The following PIEZO2 variants were observed in gnomAD, a reference collection of about 807,000 sequenced individuals.
PIEZO2 encodes piezo-type mechanosensitive ion channel component 2.
A neutral mutation model predicts 337.3 loss-of-function variants in PIEZO2; 172 were observed. The observed-to-expected ratio is 0.51, with a 90% CI of 0.45 to 0.58. The LOEUF is 0.58. Ranked by LOEUF, PIEZO2 falls within the 20% of genes least tolerant of loss-of-function variation. The probability of loss-of-function intolerance (pLI) is 0.00; values close to 1 mark genes in which losing one functional copy is unlikely to be tolerated. For synonymous variants in PIEZO2, 1,251 were observed against 1,228.5 expected (o/e 1.02, Z -0.38); for missense variants, 3,028 against 3,391.3 (o/e 0.89, Z 2.66).
chr18:10,705,411 C>T lies in PIEZO2; in HGVS notation c.5924G>A (p.Arg1975His), dbSNP rs562187908. 15 of 1,537,236 alleles carry T rather than the reference C, an allele frequency of 9.8e-6. No individual in the cohort carries two copies. The highest frequency in any genetic ancestry group is 5.9e-5 in the South Asian group (5 of 84,062). The change falls in exon 41 of 56, where the codon CGC (arginine) becomes CAC (histidine). Residue 1975 changes from arginine (R) to histidine (H), a missense_variant. Transcript: ENST00000674853. ...GATGCTGGACCCCAGCTTGTCGGTGCGGCTGTCGTCCGGGCTGACTGCCAT... is the reference window on the plus strand; with the variant it reads ...GATGCTGGACCCCAGCTTGTCGGTGTGGCTGTCGTCCGGGCTGACTGCCAT... ...NRMAVSPDDS[R>H]TDKLGSSILP... is the part of the protein sequence containing the mutation.
intron 3 of PIEZO2, among the ~76,000 whole-genome samples, chr18:10,955,762 T>C (rs936168694): frequency 2.6e-5 from 4 of 152,346 alleles, no homozygotes; most frequent in Middle Eastern, 3.4e-3. Flanking sequence ...TGGATTGATG[T>C]TTTCTTAGTA....
intron 3 of PIEZO2, among the ~76,000 whole-genome samples, chr18:10,931,314 C>T (rs1029746561): frequency 6.6e-6 from 1 of 152,188 alleles, no homozygotes; most frequent in Non-Finnish European, 1.5e-5. Flanking sequence ...ATTCTCCTGC[C>T]TCAGCCTCCC....
intron 28 of PIEZO2, 83 bp downstream of exon 28, chr18:10,752,553 C>T (rs1287365182): frequency 7.0e-7 from 1 of 1,423,864 alleles, no homozygotes; most frequent in Non-Finnish European, 9.4e-7. Context: ...ACATGACAAG[C>T]ACTGGGCTTT....
chr18:10,980,647 A>G lies in PIEZO2; in HGVS notation c.161-987T>C, dbSNP rs1288931509. On this transcript the variant is annotated intron_variant, in intron 2 of 55. Transcript: ENST00000674853. The surrounding 1 kb of genome is among the most constrained non-coding windows in gnomAD (Gnocchi z 4.8). The stretch of plus-strand genomic sequence containing the variant: ...GAACGCCAAACTAACTCCATGACCA[A>G]CTATCAGAATATAAGAATTTAGAAA... 1.3e-5 allele frequency among the ~76,000 whole-genome samples: 2 copies of G among 152,208 alleles called. No individual in the cohort carries two copies. The highest frequency in any genetic ancestry group is 2.9e-5 in the Non-Finnish European group (2 of 68,026).
chr18:10,940,057 G>A lies in PIEZO2; in HGVS notation c.287-28829C>T, dbSNP rs1414585390. 6.6e-6 allele frequency among the ~76,000 whole-genome samples: 1 copy of A among 152,158 alleles called. No individual in the cohort carries two copies. The highest frequency in any genetic ancestry group is 1.5e-5 in the Non-Finnish European group (1 of 68,036). On this transcript the variant is annotated intron_variant, in intron 3 of 55. Transcript: ENST00000674853. This position sits in a 1 kb window ranked among gnomAD's most constrained non-coding sequence, Gnocchi z 5.3. ...AGTTCCTTATTATCTATACTCTGGGGACAGTGAGTTTCCCCTCATCAGAAA... is the reference window on the plus strand; with the variant it reads ...AGTTCCTTATTATCTATACTCTGGGAACAGTGAGTTTCCCCTCATCAGAAA...
At chr18:10,964,066 T>C (rs2033898660) in intron 3 of PIEZO2, among the ~76,000 whole-genome samples, 1 of 152,084 alleles carries the variant, frequency 6.6e-6, no homozygotes, top group Non-Finnish European at 1.5e-5. Flanking sequence ...TCTATGGGTA[T>C]CAAAGGAAGA....
intron 52 of PIEZO2, among the ~76,000 whole-genome samples, chr18:10,678,631 A>G (rs1353502149): frequency 6.6e-6 from 1 of 152,194 alleles, no homozygotes; most frequent in Admixed American, 6.5e-5. Context: ...TAAGTTAATC[A>G]ACTAGTGTAT....
chr18:10,774,914 T>A (rs1036791442), intron 18 of PIEZO2, among the ~76,000 whole-genome samples: 1 of 152,240 alleles, frequency 6.6e-6, no homozygotes, highest in African/African-American at 2.4e-5. Context: ...TGAAAGTTAA[T>A]TAATTTTCTA....
In PIEZO2 at chr18:11,027,733, T is replaced by C. The variant is rs1268827343; in HGVS notation, c.160+38394A>G. 6.6e-6 allele frequency among the ~76,000 whole-genome samples: 1 copy of C among 152,228 alleles called. No individual in the cohort carries two copies. The highest frequency in any genetic ancestry group is 2.4e-5 in the African/African-American group (1 of 41,462). On this transcript the variant is annotated intron_variant, in intron 2 of 55. Coordinates refer to ENST00000674853, the MANE Select transcript of PIEZO2 (RefSeq NM_001378183.1). This position sits in a 1 kb window ranked among gnomAD's most constrained non-coding sequence, Gnocchi z 4.2. ...AAATGTAAAAATCATTAGCATTAAC[T>C]GAAAATAGCCATTCACTCTAACTCC...
intron 2 of PIEZO2, among the ~76,000 whole-genome samples, chr18:10,985,408 T>A (rs1421722344): frequency 6.6e-6 from 1 of 152,116 alleles, no homozygotes; most frequent in Non-Finnish European, 1.5e-5. Context: ...TTTTGTGTGA[T>A]CCAATATTCC....
At chr18:10,754,599 G>C (rs1441449941) in intron 27 of PIEZO2, among the ~76,000 whole-genome samples, 8 of 152,190 alleles carry the variant, frequency 5.3e-5, no homozygotes. Flanking sequence ...AAATACTTAT[G>C]TTCCCTTTGC....
chr18:10,766,374 A>G lies in PIEZO2; in HGVS notation c.2947-3276T>C, dbSNP rs974354380. 2.0e-5 allele frequency among the ~76,000 whole-genome samples: 3 copies of G among 152,192 alleles called. No individual in the cohort carries two copies. Among genetic ancestry groups the G allele is most frequent in the African/African-American group, 7.2e-5 (3 of 41,448 alleles). ...AATGACTATGACAAATACCTGGGCC[A>G]CAACCAACACCTGATGAATTAGAAT... On this transcript the variant is annotated intron_variant, in intron 21 of 55. Transcript: ENST00000674853. The surrounding 1 kb of genome is among the most constrained non-coding windows in gnomAD (Gnocchi z 6.1).
At chr18:11,018,447 A>G (rs1395914026) in intron 2 of PIEZO2, among the ~76,000 whole-genome samples, 2 of 149,058 alleles carry the variant, frequency 1.3e-5, no homozygotes, top group African/African-American at 4.9e-5. Context: ...AAATAAAGGA[A>G]GAACATGAGC....
intron 31 of PIEZO2, among the ~76,000 whole-genome samples, chr18:10,743,142 A>G (rs2037290267): frequency 6.6e-6 from 1 of 152,212 alleles, no homozygotes; most frequent in Non-Finnish European, 1.5e-5. Flanking sequence ...ACCAATAAAA[A>G]CAGTTGTACC....
At chr18:10,995,920 T>C (rs926167668) in intron 2 of PIEZO2, among the ~76,000 whole-genome samples, 1 of 151,800 alleles carries the variant, frequency 6.6e-6, no homozygotes, top group Admixed American at 6.6e-5. Context: ...AGGAAAAACA[T>C]GTGATTGCTA....
rs553399620 is a variant in PIEZO2 at position 10,828,840 on chromosome 18, T to C, written c.918-21566A>G. 6.6e-6 allele frequency among the ~76,000 whole-genome samples: 1 copy of C among 152,294 alleles called. No individual in the cohort carries two copies. The highest frequency in any genetic ancestry group is 1.9e-4 in the East Asian group (1 of 5,188). The stretch of plus-strand genomic sequence containing the variant: ...TCCTCAGTGTCTGGTGGATGCTTCT[T>C]GATGATTGCATGAGTTCAATGTATG... On this transcript the variant is annotated intron_variant, in intron 7 of 55. Coordinates refer to ENST00000674853, the MANE Select transcript of PIEZO2 (RefSeq NM_001378183.1). The surrounding 1 kb of genome is among the most constrained non-coding windows in gnomAD (Gnocchi z 4.1).
intron 5 of PIEZO2, among the ~76,000 whole-genome samples, chr18:10,864,561 A>G (rs528806443): frequency 5.9e-4 from 90 of 152,384 alleles, no homozygotes; most frequent in Non-Finnish European, 1.1e-3. Context: ...CTTGTTAAAT[A>G]TTAGTTTTTG....
chr18:10,875,374 A>T (rs371252123), intron 4 of PIEZO2, among the ~76,000 whole-genome samples: 1 of 152,192 alleles, frequency 6.6e-6, no homozygotes, highest in African/African-American at 2.4e-5. Flanking sequence ...AACATGATTG[A>T]AAAGGGTAAA....
Position 10,707,340 on chromosome 18 carries a change from G to T in PIEZO2, c.5588+935C>A, listed in dbSNP as rs1177378741. Among the ~76,000 whole-genome samples, 1 of 152,050 alleles carries T rather than the reference G, an allele frequency of 6.6e-6. No homozygotes were observed. Among genetic ancestry groups the T allele is most frequent in the Non-Finnish European group, 1.5e-5 (1 of 68,014 alleles). Reference sequence around the variant, plus strand: ...GGTACCTTCAGAGGTCAAGAAAATGGACTGGCATGGCAGGCACATGCCCGC... The same window carrying T: ...GGTACCTTCAGAGGTCAAGAAAATGTACTGGCATGGCAGGCACATGCCCGC... On this transcript the variant is annotated intron_variant, in intron 40 of 55. Coordinates refer to ENST00000674853, the MANE Select transcript of PIEZO2 (RefSeq NM_001378183.1). The surrounding 1 kb of genome is among the most constrained non-coding windows in gnomAD (Gnocchi z 4.2).
Sources: allele counts gnomAD v4.1 joint callset (sites outside exome capture counted in the v4.1 genomes callset), GRCh38; gene constraint gnomAD v4.1.1; non-coding constraint Gnocchi (gnomAD v3.1); transcripts MANE v1.5; gene names NCBI Gene and HGNC (gene_info 2026-07-23, HGNC 2026-07-21).